The following MRM2 variants were observed in gnomAD, a reference collection of about 807,000 sequenced individuals.
MRM2 encodes rRNA methyltransferase 2, mitochondrial.
MRM2 carries 15 observed loss-of-function variants against 10.9 expected under a neutral mutation model. That is an observed-to-expected ratio of 1.37 (90% CI 0.92 to 2.11). The LOEUF (loss-of-function observed/expected upper bound fraction) is 2.11, where lower values mean the gene tolerates loss of function less well. MRM2 is among the 30% of genes most tolerant of loss of function. The probability of loss-of-function intolerance (pLI) is 0.00; values close to 1 mark genes in which losing one functional copy is unlikely to be tolerated. For synonymous variants in MRM2, 139 were observed against 128.7 expected, an observed-to-expected ratio of 1.08 and a Z score of -0.54; for missense variants, 328 against 321.3, an observed-to-expected ratio of 1.02 and a Z score of -0.16.
intron 1 of MRM2, among the ~76,000 whole-genome samples, chr7:2,241,690 A>G (rs1422219537): frequency 1.3e-5 from 2 of 152,224 alleles, no homozygotes; most frequent in African/African-American, 2.4e-5. Context: ...CTGCAACACC[A>G]AAGCGTGCTG....
intron 2 of MRM2, 88 bp downstream of exon 2, chr7:2,239,330 A>C: frequency 7.5e-7 from 1 of 1,332,016 alleles, no homozygotes; most frequent in Non-Finnish European, 1.1e-6. Context: ...GGGCTCCACC[A>C]TCCCGCATCC....
intron 2 of MRM2, among the ~76,000 whole-genome samples, chr7:2,236,927 A>G (rs1706225999): frequency 6.6e-6 from 1 of 152,216 alleles, no homozygotes; most frequent in Non-Finnish European, 1.5e-5. Context: ...GATCAGTTAT[A>G]GGCAACAAGT....
chr7:2,240,066 G>A (rs1156904964), intron 1 of MRM2, among the ~76,000 whole-genome samples: 2 of 152,070 alleles, frequency 1.3e-5, no homozygotes, highest in Non-Finnish European at 2.9e-5. Context: ...CTACTAAAAT[G>A]CAAAAATTAG....
At position 2,239,485 on chromosome 7, in the gene MRM2, T is replaced by C. The variant is rs757187763; in HGVS notation, c.231A>G (p.Leu77=). 11 of 1,613,718 alleles carry C rather than the reference T, an allele frequency of 6.8e-6. No individual in the cohort carries two copies. Among genetic ancestry groups the C allele is most frequent in the Middle Eastern group, 1.6e-4 (1 of 6,082 alleles). ...HQILRPGLRV[L]DCGAAPGAWS... ...AGGCCCCAGGAGCTGCCCCACAGTC[T>C]AACACCCGAAGGCCGGGCCGCAGAA... is the stretch of plus-strand genomic sequence containing the variant. The change falls in exon 2 of 3, where the codon TTA becomes TTG. Residue 77 remains leucine (L), a synonymous_variant. Transcript: ENST00000242257.
chr7:2,240,196 T>G (rs1178911112), intron 1 of MRM2: 7 of 438,138 alleles, frequency 1.6e-5, no homozygotes, highest in Non-Finnish European at 2.8e-5. Flanking sequence ...CACTCCAGCC[T>G]GGGCGACAGA....
chr7:2,235,785 A>C (rs1274602484), intron 2 of MRM2, among the ~76,000 whole-genome samples: 1 of 152,248 alleles, frequency 6.6e-6, no homozygotes, highest in African/African-American at 2.4e-5. Flanking sequence ...AGGCCCAGAC[A>C]GGAAGTGACT....
chr7:2,241,985 C>T (rs985316591), intron 1 of MRM2, 177 bp downstream of exon 1: 5 of 631,992 alleles, frequency 7.9e-6, no homozygotes, highest in Non-Finnish European at 7.5e-6. Flanking sequence ...CTGAGGGCGC[C>T]CTCCTCCCGG....
At chr7:2,240,239 A>G (rs1794495542) in intron 1 of MRM2, 6 of 454,988 alleles carry the variant, frequency 1.3e-5, no homozygotes, top group South Asian at 9.4e-5. Flanking sequence ...AACTAAATAC[A>G]TCAATTAATT....
At chr7:2,237,313 T>C (rs889430494) in intron 2 of MRM2, among the ~76,000 whole-genome samples, 1 of 152,236 alleles carries the variant, frequency 6.6e-6, no homozygotes, top group East Asian at 1.9e-4. Flanking sequence ...CCTCACTTTA[T>C]GCTCCTGAGC....
intron 1 of MRM2, 69 bp from the exon 2 acceptor site, chr7:2,239,776 C>T: frequency 5.7e-6 from 8 of 1,412,420 alleles, no homozygotes; most frequent in Non-Finnish European, 7.9e-6. Context: ...CTGGGAGGGC[C>T]CTCGGATCAA....
intron 2 of MRM2, among the ~76,000 whole-genome samples, chr7:2,236,517 T>C (rs1004079366): frequency 2.6e-5 from 4 of 152,166 alleles, no homozygotes; most frequent in Admixed American, 6.5e-5. Context: ...AGCAAGATCC[T>C]GTCTCTACAA....
At position 2,234,355 on chromosome 7, in the gene MRM2, C is replaced by A. The variant is rs1011174197; in HGVS notation, c.*767G>T. 2 of 152,174 alleles carry A rather than the reference C, an allele frequency of 1.3e-5. No individual in the cohort carries two copies. Among genetic ancestry groups the A allele is most frequent in the African/African-American group, 4.8e-5 (2 of 41,426 alleles). 9.4% of individuals were successfully genotyped at this position (152,174 alleles called of 1,614,324 possible). ...CACTGATATAAATTTCCAGCAAAAA[C>A]CAAAGCAGACCCACTGCCTGGATAA... On this transcript the variant is annotated 3_prime_UTR_variant, in exon 3 of 3. Transcript: ENST00000242257.
chr7:2,240,019 C>T (rs921704797), intron 1 of MRM2, among the ~76,000 whole-genome samples: 1 of 152,176 alleles, frequency 6.6e-6, no homozygotes, highest in Non-Finnish European at 1.5e-5. Context: ...TCGAGACCAG[C>T]CTGGCCAACC....
At chr7:2,239,081 T>G in intron 2 of MRM2, 1 of 730,890 alleles carries the variant, frequency 1.4e-6, no homozygotes, top group Non-Finnish European at 2.6e-6. Context: ...AGGCTGCAAA[T>G]TAGCAAGAAA....
In MRM2 at chr7:2,234,570, G is replaced by C. The variant is rs1262633099; in HGVS notation, c.*552C>G. On this transcript the variant is annotated 3_prime_UTR_variant, in exon 3 of 3. Transcript: ENST00000242257. ...GGGTGTTGCTATGTTGCCCAGGTTG[G>C]TCTTGAACTCCTGACTTCAAGCAAT... is the stretch of plus-strand genomic sequence containing the variant. The C allele has an allele frequency of 1.9e-5, 3 of 154,708 alleles. No individual in the cohort carries two copies. Among genetic ancestry groups the C allele is most frequent in the Non-Finnish European group, 2.9e-5 (2 of 69,612 alleles). The allele number at this position is 154,708 out of a possible 1,614,324, so 9.6% of individuals were successfully genotyped here. A position where few individuals can be genotyped will look rare whatever the true frequency, so the allele number is the denominator to read the frequency against.
chr7:2,241,336 A>C (rs1794532651), intron 1 of MRM2: 1 of 152,698 alleles, frequency 6.5e-6, no homozygotes, highest in Admixed American at 6.6e-5. Flanking sequence ...CTGGAGTTGC[A>C]GTGGCACAAT....
chr7:2,239,025 ATAT>A (rs1562401767), intron 2 of MRM2: 305 of 21,020 alleles, frequency 0.015, 15 homozygotes, highest in African/African-American at 0.069. Flanking sequence ...ATATATATAT[ATAT>A]AATACATATA....
rs1206474181 is a variant in MRM2 at position 2,235,263 on chromosome 7, T to C, written c.600A>G (p.Gln200=). ...TFLCKTWAGS[Q]SRRLQRRLTE... ...TCAGTCTCCTCTGTAACCGACGGCT[T>C]TGACTTCCAGCCCAGGTTTTACAAA... The change falls in exon 3 of 3, where the codon CAA becomes CAG. Residue 200 remains glutamine (Q), a synonymous_variant. Coordinates refer to ENST00000242257, the MANE Select transcript of MRM2 (RefSeq NM_013393.3). The C allele has an allele frequency of 2.5e-6, 4 of 1,614,064 alleles. No homozygotes were observed. The highest frequency in any genetic ancestry group is 3.4e-6 in the Non-Finnish European group (4 of 1,180,036).
intron 1 of MRM2, chr7:2,240,376 A>G (rs773892745): frequency 1.2e-5 from 5 of 429,606 alleles, no homozygotes; most frequent in Non-Finnish European, 2.3e-5. Flanking sequence ...CAGCTAGTAC[A>G]GAGGGTCTGG....
Sources: allele counts gnomAD v4.1 joint callset (sites outside exome capture counted in the v4.1 genomes callset), GRCh38; gene constraint gnomAD v4.1.1; transcripts MANE v1.5; gene names NCBI Gene and HGNC (gene_info 2026-07-23, HGNC 2026-07-21).